Variants in EIF2AK3 observed in about 807,000 individuals in gnomAD.
The protein encoded by EIF2AK3 is eukaryotic translation initiation factor 2-alpha kinase 3.
EIF2AK3 carries 50 observed loss-of-function variants against 113.5 expected under a neutral mutation model. The ratio of observed to expected loss-of-function variants is 0.44; its 90% CI spans 0.35 to 0.56. The LOEUF is 0.56. EIF2AK3 is among the 20% of genes least tolerant of loss of function. The pLI is 0.00. For synonymous variants in EIF2AK3, 448 were observed against 495.4 expected (o/e 0.90, Z 1.27); for missense variants, 1,185 against 1,378.0 (o/e 0.86, Z 2.22).
At chr2:88,577,538 T>C (rs1674492843) in intron 11 of EIF2AK3, among the ~76,000 whole-genome samples, 1 of 151,488 alleles carries the variant, frequency 6.6e-6, no homozygotes, top group Non-Finnish European at 1.5e-5. Flanking sequence ...CTCAGCTCAC[T>C]GTAACCTCCA....
Position 88,575,123 on chromosome 2 carries a change from A to G in EIF2AK3, c.2360T>C (p.Leu787Pro). 1 of 1,614,170 alleles carries G rather than the reference A, an allele frequency of 6.2e-7. No homozygotes were observed. Among genetic ancestry groups the G allele is most frequent in the Non-Finnish European group, 8.5e-7 (1 of 1,180,020 alleles). ...DGNDEGHSFE[L>P]CPSEASPYVR... ...ATAAGGAGAAGCTTCAGAAGGACAA[A>G]GTTCAAAGGAGTGCCCCTCATCATT... Residue 787 changes from leucine to proline, a missense_variant, in exon 13 of 17, where the codon CTT becomes CCT. Leu to Pro is a moderately conservative substitution (Grantham distance 98). This residue lies in a region of EIF2AK3 where 877 missense variants were observed against 1,024.2 expected (regional missense o/e 0.86). Coordinates refer to ENST00000303236, the MANE Select transcript of EIF2AK3 (RefSeq NM_004836.7).
intron 15 of EIF2AK3, among the ~76,000 whole-genome samples, chr2:88,561,006 C>T (rs1447629292): frequency 6.6e-6 from 1 of 152,052 alleles, no homozygotes; most frequent in Admixed American, 6.6e-5. Flanking sequence ...GACAGAGGCC[C>T]ACTTTATTTT....
At chr2:88,592,567 T>C (rs1007286486) in intron 4 of EIF2AK3, among the ~76,000 whole-genome samples, 2 of 151,950 alleles carry the variant, frequency 1.3e-5, no homozygotes, top group African/African-American at 4.8e-5. Flanking sequence ...AGTTTGAGAC[T>C]AGCCTAACCA....
intron 2 of EIF2AK3, among the ~76,000 whole-genome samples, chr2:88,600,619 A>G (rs900288827): frequency 6.6e-6 from 1 of 152,212 alleles, no homozygotes; most frequent in African/African-American, 2.4e-5. Context: ...GCAGTTTAGT[A>G]AAGTAATTCC....
Position 88,575,412 on chromosome 2 carries a change from C to T in EIF2AK3, c.2071G>A (p.Asp691Asn). ...CTGCGTATTTTAACTGATGGTGCAT[C>T]CATTGGGCTAGGAGAGCTGAGTGGC... ...DWPLSSPSPM[D>N]APSVKIRRMD... is the part of the protein sequence containing the mutation. Residue 691 changes from aspartate (D) to asparagine (N), a missense_variant, in exon 13 of 17, where the codon GAT (aspartate) becomes AAT (asparagine). Transcript: ENST00000303236. 2 of 1,610,892 alleles carry T rather than the reference C, an allele frequency of 1.2e-6. No individual in the cohort carries two copies. Among genetic ancestry groups the T allele is most frequent in the Non-Finnish European group, 1.7e-6 (2 of 1,179,994 alleles).
intron 2 of EIF2AK3, among the ~76,000 whole-genome samples, chr2:88,603,381 T>G (rs1292984099): frequency 2.6e-5 from 4 of 152,230 alleles, no homozygotes; most frequent in Admixed American, 2.0e-4. Context: ...GCTTCCTGCT[T>G]TTTCCCACTG....
At chr2:88,585,666 A>C (rs1191325541) in intron 9 of EIF2AK3, among the ~76,000 whole-genome samples, 175 bp downstream of exon 9, 2 of 152,224 alleles carry the variant, frequency 1.3e-5, no homozygotes, top group Non-Finnish European at 2.9e-5. Context: ...AAAGAGGTTC[A>C]GTTAGATAAG....
chr2:88,593,188 A>C (rs1192715460), intron 4 of EIF2AK3, 84 bp downstream of exon 4: 1 of 1,553,814 alleles, frequency 6.4e-7, no homozygotes, highest in East Asian at 2.3e-5. Context: ...AATAGTCAAA[A>C]TCTCCACAAA....
rs367754154 is a variant in EIF2AK3 at position 88,593,366 on chromosome 2, C to G, written c.673G>C (p.Asp225His). Residue 225 changes from aspartate to histidine, a missense_variant, in exon 4 of 17, where the codon GAT becomes CAT. By Grantham distance (81) the Asp-to-His change is moderately conservative (BLOSUM62 -1). Coordinates refer to ENST00000303236, the MANE Select transcript of EIF2AK3 (RefSeq NM_004836.7). The stretch of plus-strand genomic sequence containing the variant: ...TCCTCTTGTTCCATTTCGTCACTAT[C>G]CCATTGGCGACAACCCAGAGCTGAA... ...ICSALGCRQW[D>H]SDEMEQEEDI... 7.4e-6 allele frequency: 12 copies of G among 1,613,864 alleles called. No individual in the cohort carries two copies. The highest frequency in any genetic ancestry group is 1.0e-5 in the Non-Finnish European group (12 of 1,179,984).
intron 11 of EIF2AK3, 150 bp from the exon 12 acceptor site, chr2:88,576,853 G>T: frequency 1.2e-6 from 1 of 867,804 alleles, no homozygotes; most frequent in Non-Finnish European, 1.7e-6. Flanking sequence ...GCCTGAAAAA[G>T]AGAGAAAGTA....
In EIF2AK3 at chr2:88,579,602, C is replaced by A. The variant is rs367551388; in HGVS notation, c.1802G>T (p.Arg601Leu). ...TTCAAAAACAACTCCAAAGCCACCA[C>A]GTCCCAGGCATTGAATTGGCTCAAA... The part of the protein sequence containing the change: ...TDFEPIQCLG[R>L]GGFGVVFEAK... Residue 601 changes from arginine to leucine, a missense_variant, in exon 11 of 17, where the codon CGT becomes CTT. Transcript: ENST00000303236. The A allele has an allele frequency of 8.7e-6, 14 of 1,613,702 alleles. No individual in the cohort carries two copies. Among genetic ancestry groups the A allele is most frequent in the Non-Finnish European group, 1.2e-5 (14 of 1,179,766 alleles).
chr2:88,559,572 G>C (rs11691797), intron 15 of EIF2AK3, among the ~76,000 whole-genome samples: 1 of 150,936 alleles, frequency 6.6e-6, no homozygotes, highest in Admixed American at 6.6e-5. Context: ...GTGTATATAT[G>C]TATGTGTGGA....
intron 2 of EIF2AK3, among the ~76,000 whole-genome samples, chr2:88,599,900 A>G (rs1573412448): frequency 6.6e-6 from 1 of 152,178 alleles, no homozygotes; most frequent in Non-Finnish European, 1.5e-5. Context: ...CAGCCAATCA[A>G]CCAACAGACT....
intron 1 of EIF2AK3, among the ~76,000 whole-genome samples, chr2:88,623,835 CTA>C (rs1443440253): frequency 6.6e-6 from 1 of 152,180 alleles, no homozygotes; most frequent in East Asian, 1.9e-4. Flanking sequence ...AAACTGGGCT[CTA>C]TCTCTTCCTA....
At chr2:88,592,447 T>G (rs1444412286) in intron 4 of EIF2AK3, among the ~76,000 whole-genome samples, 2 of 152,164 alleles carry the variant, frequency 1.3e-5, no homozygotes, top group Admixed American at 1.3e-4. Flanking sequence ...TTCAAAGAAC[T>G]TTGAATGATG....
intron 11 of EIF2AK3, among the ~76,000 whole-genome samples, chr2:88,577,736 T>C (rs1008537338): frequency 1.1e-4 from 17 of 152,192 alleles, no homozygotes; most frequent in African/African-American, 4.1e-4. Flanking sequence ...TTGTTCCATC[T>C]ACTCCAGAAC....
intron 15 of EIF2AK3, among the ~76,000 whole-genome samples, chr2:88,560,627 A>G (rs746760313): frequency 6.6e-6 from 1 of 152,028 alleles, no homozygotes; most frequent in Non-Finnish European, 1.5e-5. Flanking sequence ...TTATAACTAT[A>G]TAAATTTTGA....
intron 2 of EIF2AK3, among the ~76,000 whole-genome samples, chr2:88,600,267 A>C (rs1675118396): frequency 6.6e-6 from 1 of 152,222 alleles, no homozygotes; most frequent in South Asian, 2.1e-4. Flanking sequence ...CAATATATGC[A>C]TGCAGTTCAG....
chr2:88,619,034 T>C (rs1675655121), intron 1 of EIF2AK3, among the ~76,000 whole-genome samples: 1 of 150,814 alleles, frequency 6.6e-6, no homozygotes, highest in Non-Finnish European at 1.5e-5. Context: ...GGAGTCTTGC[T>C]CTGTCGCCCA....
Sources: gnomAD v4.1 joint callset for allele counts (sites outside exome capture counted in the v4.1 genomes callset) on GRCh38, gnomAD v4.1.1 for gene constraint, gnomAD v4.1.1 regional missense constraint, MANE v1.5 for transcripts, NCBI Gene and HGNC (gene_info 2026-07-23, HGNC 2026-07-21) for gene names.